SH3PXD2A: variants seen among roughly 807,000 people sequenced by gnomAD.
SH3PXD2A encodes SH3 and PX domain-containing protein 2A.
Under a neutral mutation model 115.2 loss-of-function variants are expected in SH3PXD2A, and 32 were observed. That is an observed-to-expected ratio of 0.28 (90% CI 0.21 to 0.37). The LOEUF (loss-of-function observed/expected upper bound fraction) is 0.37. Ranked by LOEUF, SH3PXD2A falls within the 10% of genes least tolerant of loss-of-function variation. The pLI, the probability that SH3PXD2A is intolerant of heterozygous loss-of-function variation, is 1.00. For synonymous variants in SH3PXD2A, 610 were observed against 629.1 expected (o/e 0.97, Z 0.45); for missense variants, 1,328 against 1,498.7 (o/e 0.89, Z 1.88).
intron 4 of SH3PXD2A, among the ~76,000 whole-genome samples, chr10:103,734,091 T>C (rs1301492526): frequency 6.6e-6 from 1 of 152,152 alleles, no homozygotes; most frequent in Non-Finnish European, 1.5e-5. Context: ...ATTTTACAGA[T>C]GAGGAAACTA....
intron 4 of SH3PXD2A, among the ~76,000 whole-genome samples, chr10:103,735,094 C>T (rs1244635048): frequency 6.6e-6 from 1 of 152,238 alleles, no homozygotes; most frequent in African/African-American, 2.4e-5. Flanking sequence ...CTGAGGGCCG[C>T]TCATCCTCTG....
At chr10:103,642,655 A>AAAAAGAAAAG (rs1325048173) in intron 8 of SH3PXD2A, among the ~76,000 whole-genome samples, 4 of 152,126 alleles carry the variant, frequency 2.6e-5, no homozygotes, top group African/African-American at 9.7e-5. Flanking sequence ...TTGTGGGGAG[A>AAAAAGAAAAG]AAAAGAAAAG....
intron 8 of SH3PXD2A, among the ~76,000 whole-genome samples, chr10:103,637,952 G>A (rs1210081849): frequency 6.6e-6 from 1 of 152,200 alleles, no homozygotes; most frequent in African/African-American, 2.4e-5. Flanking sequence ...GGCTGTCTGC[G>A]AGTGCTGTGC....
At chr10:103,718,748 C>T (rs955348612) in intron 5 of SH3PXD2A, among the ~76,000 whole-genome samples, 1 of 144,318 alleles carries the variant, frequency 6.9e-6, no homozygotes, top group Non-Finnish European at 1.5e-5. Context: ...TCCCCTCCCT[C>T]CCCCCAATCA....
intron 5 of SH3PXD2A, among the ~76,000 whole-genome samples, chr10:103,720,692 T>A (rs2038171451): frequency 6.6e-6 from 1 of 152,230 alleles, no homozygotes; most frequent in South Asian, 2.1e-4. Flanking sequence ...GTTTATGTTC[T>A]AGGCTGGAGG....
In SH3PXD2A at chr10:103,801,349, T is replaced by C. The variant is rs566845122; in HGVS notation, c.86A>G (p.Asn29Ser). 54 of 1,607,882 alleles carry C rather than the reference T, an allele frequency of 3.4e-5. 1 individual carries two copies. The highest frequency in any genetic ancestry group is 2.0e-4 in the South Asian group (18 of 90,946). ...NPSKHYVYII[N>S]VTWSDSTSQT... is the part of the protein sequence containing the mutation. ...GGAGGTGGAGTCAGACCAGGTCACA[T>C]TGATTATGTATACCTGTGGGAAAAA... The change falls in exon 2 of 15, where the codon AAT (asparagine) becomes AGT (serine). Residue 29 changes from asparagine to serine, a missense_variant. Coordinates refer to ENST00000369774, the MANE Select transcript of SH3PXD2A (RefSeq NM_001394015.1).
chr10:103,727,041 CCAAA>C (rs2038249761), intron 4 of SH3PXD2A, among the ~76,000 whole-genome samples: 1 of 152,210 alleles, frequency 6.6e-6, no homozygotes, highest in African/African-American at 2.4e-5. Context: ...CAGTCATCCA[CCAAA>C]CAGTGAGGGC....
Position 103,602,046 on chromosome 10 carries a change from C to A in SH3PXD2A, c.3172G>T (p.Val1058Leu). The A allele has an allele frequency of 6.2e-7, 1 of 1,609,830 alleles. No individual in the cohort carries two copies. ...GACTTCTCGATGGGCTTGGGGCGCA[C>A]AGGGGACACGGGTATGCTGTTGCGC... The part of the protein sequence containing the change: ...AQRNSIPVSP[V>L]RPKPIEKSQF... Residue 1058 changes from valine to leucine, a missense_variant, in exon 15 of 15, where the codon GTG becomes TTG. Around this residue, in one of 5 missense-constraint regions of SH3PXD2A, gnomAD observed 574 missense variants for 565.7 expected, o/e 1.01. Transcript: ENST00000369774.
intron 8 of SH3PXD2A, among the ~76,000 whole-genome samples, chr10:103,644,667 G>A (rs1256011394): frequency 2.0e-5 from 3 of 150,800 alleles, no homozygotes; most frequent in East Asian, 2.0e-4. Context: ...TCAGAAACCC[G>A]ACGGACTCCT....
intron 1 of SH3PXD2A, among the ~76,000 whole-genome samples, chr10:103,836,693 A>ACACACACACG (rs1211871651): frequency 2.0e-5 from 3 of 151,564 alleles, no homozygotes; most frequent in South Asian, 2.1e-4. Flanking sequence ...ACACACACAC[A>ACACACACACG]CACACACACA....
intron 6 of SH3PXD2A, among the ~76,000 whole-genome samples, chr10:103,687,304 C>T (rs2037690772): frequency 6.6e-6 from 1 of 152,158 alleles, no homozygotes; most frequent in Non-Finnish European, 1.5e-5. Context: ...TAGTTCCTTA[C>T]ACTACATCGC....
chr10:103,611,229 C>T (rs1248028568), intron 13 of SH3PXD2A, among the ~76,000 whole-genome samples: 2 of 152,266 alleles, frequency 1.3e-5, no homozygotes, highest in Non-Finnish European at 2.9e-5. Context: ...TGAAAGGCTT[C>T]CAGGCTAGCA....
At chr10:103,852,189 A>G (rs765371915) in intron 1 of SH3PXD2A, among the ~76,000 whole-genome samples, 2 of 151,986 alleles carry the variant, frequency 1.3e-5, no homozygotes, top group Non-Finnish European at 2.9e-5. Flanking sequence ...TCTCAACCCC[A>G]CCCCAAGCAG....
chr10:103,652,132 G>A (rs2037134744), intron 8 of SH3PXD2A, among the ~76,000 whole-genome samples: 1 of 152,246 alleles, frequency 6.6e-6, no homozygotes, highest in Non-Finnish European at 1.5e-5. Context: ...TTTAGCCGGA[G>A]CCTGAGAGAT....
intron 1 of SH3PXD2A, among the ~76,000 whole-genome samples, chr10:103,841,690 C>T (rs1293987905): frequency 6.6e-6 from 1 of 152,142 alleles, no homozygotes; most frequent in East Asian, 1.9e-4. Context: ...ACACCAGCCA[C>T]CTCGGGGCCT....
rs577873203 is a variant in SH3PXD2A at position 103,627,471 on chromosome 10, T to C, written c.605-269A>G. ...TGTCTGATGGAAAATGAAATAGACATAGTGATATGTCCAGTGTGTGAAAAT... is the reference window on the plus strand; with the variant it reads ...TGTCTGATGGAAAATGAAATAGACACAGTGATATGTCCAGTGTGTGAAAAT... On this transcript the variant is annotated intron_variant, in intron 8 of 14. Transcript: ENST00000369774. This position sits in a 1 kb window ranked among gnomAD's most constrained non-coding sequence, Gnocchi z 4.4. Among the ~76,000 whole-genome samples the C allele has an allele frequency of 1.2e-4, 18 of 152,112 alleles. No homozygotes were observed. The highest frequency in any genetic ancestry group is 2.4e-4 in the Non-Finnish European group (16 of 68,012).
chr10:103,645,308 T>C (rs966820954), intron 8 of SH3PXD2A, among the ~76,000 whole-genome samples: 2 of 152,222 alleles, frequency 1.3e-5, no homozygotes, highest in African/African-American at 4.8e-5. Context: ...CCGCAACTTC[T>C]GCTCTGCTAG....
chr10:103,615,902 C>T (rs2036511256), intron 11 of SH3PXD2A, among the ~76,000 whole-genome samples: 1 of 151,842 alleles, frequency 6.6e-6, no homozygotes, highest in African/African-American at 2.4e-5. Flanking sequence ...GCTCAGAGAA[C>T]ATAAAAGTCT....
chr10:103,801,016 T>C (rs1224349832), intron 2 of SH3PXD2A, among the ~76,000 whole-genome samples: 1 of 152,154 alleles, frequency 6.6e-6, no homozygotes, highest in Non-Finnish European at 1.5e-5. Flanking sequence ...TCACCACAGT[T>C]TCCTACCCTG....
Sources: allele counts gnomAD v4.1 joint callset (sites outside exome capture counted in the v4.1 genomes callset), GRCh38; gene constraint gnomAD v4.1.1; regional missense constraint gnomAD v4.1.1; non-coding constraint Gnocchi (gnomAD v3.1); transcripts MANE v1.5; gene names NCBI Gene and HGNC (gene_info 2026-07-23, HGNC 2026-07-21).